Variants in RBFOX1 observed in about 807,000 individuals in gnomAD.
RBFOX1 encodes RNA binding protein fox-1 homolog 1.
A neutral mutation model predicts 57.7 loss-of-function variants in RBFOX1; 8 were observed. The ratio of observed to expected loss-of-function variants is 0.14; its 90% CI spans 0.08 to 0.25. The LOEUF is 0.25. Among genes scored for constraint, RBFOX1 ranks in the 10% least tolerant of loss-of-function variants. The probability of loss-of-function intolerance (pLI) is 1.00; values close to 1 mark genes in which losing one functional copy is unlikely to be tolerated. For missense variants in RBFOX1, 611 were observed against 548.5 expected, an observed-to-expected ratio of 1.11 and a Z score of -1.14; for synonymous variants, 326 against 222.4, an observed-to-expected ratio of 1.47 and a Z score of -4.15.
At chr16:7,188,304 G>A (rs1284697800) in intron 4 of RBFOX1, among the ~76,000 whole-genome samples, 1 of 152,198 alleles carries the variant, frequency 6.6e-6, no homozygotes, top group Non-Finnish European at 1.5e-5. Context: ...TGAAGAAACT[G>A]TTGTACATCT....
intron 4 of RBFOX1, among the ~76,000 whole-genome samples, chr16:7,076,804 C>G (rs1478356812): frequency 1.3e-5 from 2 of 152,184 alleles, no homozygotes; most frequent in African/African-American, 2.4e-5. Flanking sequence ...TATATGCCCA[C>G]TCATATACCT....
intron 3 of RBFOX1, among the ~76,000 whole-genome samples, chr16:5,712,319 C>T (rs2051520309): frequency 6.6e-6 from 1 of 152,194 alleles, no homozygotes; most frequent in South Asian, 2.1e-4. Flanking sequence ...GTTTTCACAA[C>T]CACCTTCTAG....
chr16:5,822,380 A>G (rs1025909249), intron 3 of RBFOX1, among the ~76,000 whole-genome samples: 1 of 152,180 alleles, frequency 6.6e-6, no homozygotes, highest in Non-Finnish European at 1.5e-5. Context: ...ATCTCCACTA[A>G]ATAACTTACT....
At chr16:6,915,272 A>G (rs1466397667) in intron 3 of RBFOX1, among the ~76,000 whole-genome samples, 1 of 152,010 alleles carries the variant, frequency 6.6e-6, no homozygotes, top group Non-Finnish European at 1.5e-5. Flanking sequence ...TCCCTCCAAG[A>G]AGGGCCTGGG....
chr16:6,531,543 T>C (rs1230101654), intron 2 of RBFOX1, among the ~76,000 whole-genome samples: 1 of 152,206 alleles, frequency 6.6e-6, no homozygotes, highest in East Asian at 1.9e-4. Flanking sequence ...TTTAATATCA[T>C]TGGCTTTTGG....
chr16:7,234,460 C>T (rs761339753), intron 4 of RBFOX1, among the ~76,000 whole-genome samples: 1 of 151,982 alleles, frequency 6.6e-6, no homozygotes, highest in Non-Finnish European at 1.5e-5. Flanking sequence ...AAATAAGCTC[C>T]CTCATCAGTG....
At chr16:5,943,941 TTCCATCCATCCA>T (rs902519503) in intron 4 of RBFOX1, among the ~76,000 whole-genome samples, 2 of 150,428 alleles carry the variant, frequency 1.3e-5, no homozygotes, top group Non-Finnish European at 3.0e-5. Context: ...TCCTTCTATT[TTCCATCCATCCA>T]TCCATCCATC....
rs955371992 is a variant in RBFOX1, at chr16:6,565,095, C to T, written c.-63-89508C>T. 2.1e-5 allele frequency among the ~76,000 whole-genome samples: 3 copies of T among 143,278 alleles called. No individual in the cohort carries two copies. In the East Asian group the frequency reaches 6.3e-4, roughly 30 times the overall value. 94.0% of individuals were successfully genotyped at this position (143,278 alleles called of 152,430 possible). On this transcript the variant is annotated intron_variant, in intron 2 of 15. Transcript: ENST00000550418. ...GTAGTGAGCAGAGATTGCATCACTGCACTCCAGCCTGGGTGGGGAGACTCT... is the reference window on the plus strand; with the variant it reads ...GTAGTGAGCAGAGATTGCATCACTGTACTCCAGCCTGGGTGGGGAGACTCT...
At chr16:7,047,387 T>C (rs1460611993) in intron 3 of RBFOX1, among the ~76,000 whole-genome samples, 2 of 152,182 alleles carry the variant, frequency 1.3e-5, no homozygotes, top group African/African-American at 4.8e-5. Context: ...CTCTGGATTT[T>C]TGTTTGTTTA....
At chr16:5,822,527 C>T (rs997808176) in intron 3 of RBFOX1, among the ~76,000 whole-genome samples, 9 of 152,222 alleles carry the variant, frequency 5.9e-5, no homozygotes, top group African/African-American at 2.2e-4. Flanking sequence ...TGGAGATCTA[C>T]TCTATAGCAT....
At chr16:5,339,773 G>A (rs1407723786) in intron 1 of RBFOX1, among the ~76,000 whole-genome samples, 1 of 152,068 alleles carries the variant, frequency 6.6e-6, no homozygotes, top group Non-Finnish European at 1.5e-5. Context: ...GGTCAGGGGT[G>A]AACACAAGCC....
intron 1 of RBFOX1, among the ~76,000 whole-genome samples, chr16:6,114,038 A>AG (rs112305519): frequency 6.6e-6 from 1 of 151,796 alleles, no homozygotes; most frequent in Non-Finnish European, 1.5e-5. Context: ...CTGGGGAGAA[A>AG]TTATTTACCG....
At chr16:5,634,598 A>C (rs2048623617) in intron 3 of RBFOX1, among the ~76,000 whole-genome samples, 1 of 152,232 alleles carries the variant, frequency 6.6e-6, no homozygotes, top group African/African-American at 2.4e-5. Context: ...AGTGACAGAA[A>C]CTATTTCAGA....
intron 2 of RBFOX1, among the ~76,000 whole-genome samples, chr16:6,587,611 A>T (rs2097648254): frequency 6.6e-6 from 1 of 152,180 alleles, no homozygotes; most frequent in Admixed American, 6.5e-5. Context: ...AGGCATCTTA[A>T]TGCTAGAAGA....
intron 2 of RBFOX1, among the ~76,000 whole-genome samples, chr16:6,623,579 T>C (rs548374531): frequency 6.6e-6 from 1 of 152,120 alleles, no homozygotes; most frequent in Non-Finnish European, 1.5e-5. Context: ...TATCTCCTAA[T>C]GCTATCCCTC....
chr16:6,002,398 C>T (rs1367185097), intron 4 of RBFOX1, among the ~76,000 whole-genome samples: 1 of 152,228 alleles, frequency 6.6e-6, no homozygotes, highest in Non-Finnish European at 1.5e-5. Flanking sequence ...GAGGAAGTAG[C>T]AGCTCTGGCT....
intron 2 of RBFOX1, among the ~76,000 whole-genome samples, chr16:5,555,699 C>G (rs888800154): frequency 1.3e-5 from 2 of 152,034 alleles, no homozygotes. Context: ...GGAAGTGTTT[C>G]ACTAAGTCTG....
Position 5,667,009 on chromosome 16 carries a change from G to C in RBFOX1, c.318+68048G>C, listed in dbSNP as rs557049158. Among the ~76,000 whole-genome samples the C allele has an allele frequency of 4.6e-5, 7 of 152,328 alleles. No homozygotes were observed. The East Asian group carries it at 5.8e-4, about 13-fold the overall frequency. On this transcript the variant is annotated intron_variant, in intron 3 of 19. Coordinates refer to the RBFOX1 transcript ENST00000641259. ...GGTTGGGCTTGTTTTCCCAAGGGCTGCTTCCGGAGTCCTCAAATTTCATTT... is the reference window on the plus strand; with the variant it reads ...GGTTGGGCTTGTTTTCCCAAGGGCTCCTTCCGGAGTCCTCAAATTTCATTT...
chr16:6,962,566 C>T (rs531312608), intron 3 of RBFOX1, among the ~76,000 whole-genome samples: 3 of 152,244 alleles, frequency 2.0e-5, no homozygotes, highest in East Asian at 1.9e-4. Context: ...TCAATTCAAC[C>T]TGTTAACATG....
Sources: allele counts gnomAD v4.1 joint callset (sites outside exome capture counted in the v4.1 genomes callset), GRCh38; gene constraint gnomAD v4.1.1; transcripts MANE v1.5; gene names NCBI Gene and HGNC (gene_info 2026-07-23, HGNC 2026-07-21).